The following XAF1 variants were observed in gnomAD, a reference collection of about 807,000 sequenced individuals.
XAF1 encodes the protein XIAP associated factor 1, also known as XIAP-associated factor 1.
XAF1 carries 32 observed loss-of-function variants against 32.3 expected under a neutral mutation model. The observed-to-expected ratio is 0.99, with a 90% CI of 0.75 to 1.33. The LOEUF (loss-of-function observed/expected upper bound fraction) is 1.33. Ranked by LOEUF, XAF1 falls within the 40% of genes most tolerant of loss-of-function variation. XAF1 has a pLI of 0.00. For synonymous variants in XAF1, 120 were observed against 125.9 expected, an observed-to-expected ratio of 0.95 and a Z score of 0.31; for missense variants, 379 against 366.0, an observed-to-expected ratio of 1.04 and a Z score of -0.29.
At chr17:6,761,171 G>A (rs745362907) in intron 4 of XAF1, among the ~76,000 whole-genome samples, 1 of 151,878 alleles carries the variant, frequency 6.6e-6, no homozygotes, top group African/African-American at 2.4e-5. Flanking sequence ...AAAAGGGGGG[G>A]ACCATGGGGA....
At chr17:6,761,703 C>G (rs1975217200) in intron 4 of XAF1, 2 of 561,564 alleles carry the variant, frequency 3.6e-6, no homozygotes, top group Non-Finnish European at 5.4e-6. Flanking sequence ...CAAACACAGT[C>G]TTCAACACAA....
chr17:6,759,345 A>C (rs921217472), intron 2 of XAF1: 2 of 1,312,898 alleles, frequency 1.5e-6, no homozygotes, highest in Non-Finnish European at 1.9e-6. Context: ...GTGAAAAAGG[A>C]AGGTCCTGGA....
chr17:6,767,236 A>G (rs1975687402), intron 5 of XAF1, among the ~76,000 whole-genome samples: 2 of 152,344 alleles, frequency 1.3e-5, no homozygotes, highest in East Asian at 1.9e-4. Context: ...ACTTTCAAAT[A>G]AATATGACAG....
chr17:6,762,097 G>A (rs1975253590), intron 4 of XAF1, 58 bp from the exon 5 acceptor site: 1 of 1,609,790 alleles, frequency 6.2e-7, no homozygotes, highest in Non-Finnish European at 8.5e-7. Context: ...TTGTGGGAGA[G>A]CTGGGCTAGC....
chr17:6,759,578 G>C, intron 2 of XAF1, 84 bp from the exon 3 acceptor site: 2 of 1,597,404 alleles, frequency 1.3e-6, no homozygotes, highest in Non-Finnish European at 1.7e-6. Context: ...GGAACACTGT[G>C]AGCCAAAGTG....
chr17:6,761,971 T>C, intron 4 of XAF1, 184 bp from the exon 5 acceptor site: 3 of 1,530,188 alleles, frequency 2.0e-6, no homozygotes, highest in Non-Finnish European at 2.6e-6. Flanking sequence ...GGAAATGATG[T>C]GGGTGATTCG....
chr17:6,759,521 TAG>T, intron 2 of XAF1, 139 bp from the exon 3 acceptor site: 1 of 1,499,124 alleles, frequency 6.7e-7, no homozygotes, highest in Non-Finnish European at 8.9e-7. Context: ...GACACTGAGG[TAG>T]CCACATCGGA....
chr17:6,769,960 C>T (rs1055644514), intron 5 of XAF1, among the ~76,000 whole-genome samples: 1 of 152,194 alleles, frequency 6.6e-6, no homozygotes, highest in African/African-American at 2.4e-5. Flanking sequence ...ATAATTTATC[C>T]TTTAAAGTTT....
Position 6,773,945 on chromosome 17 carries a change from T to A in XAF1, c.*776T>A, listed in dbSNP as rs1025189374. 4 of 152,128 alleles carry A rather than the reference T, an allele frequency of 2.6e-5. No individual in the cohort carries two copies. The highest frequency in any genetic ancestry group is 9.6e-5 in the African/African-American group (4 of 41,516). The allele number at this position is 152,128 out of a possible 1,614,324, so 9.4% of individuals were successfully genotyped here. On this transcript the variant is annotated 3_prime_UTR_variant, in exon 7 of 7. Transcript: ENST00000361842. ...ATTCCATACTTATGGATAGGAAGAA[T>A]CAATATTGTTAAAATGGCCATACTA...
chr17:6,773,077 T>C (rs771578314), intron 6 of XAF1, 36 bp from the exon 7 acceptor site: 2 of 1,577,160 alleles, frequency 1.3e-6, no homozygotes, highest in Admixed American at 1.8e-5. Flanking sequence ...CTTCTTACTT[T>C]AACCATATCA....
In XAF1 at chr17:6,770,713, C is replaced by G. The variant is rs1317912881; in HGVS notation, c.578C>G (p.Ser193Cys). 4 of 1,612,506 alleles carry G rather than the reference C, an allele frequency of 2.5e-6. No homozygotes were observed. The highest frequency in any genetic ancestry group is 3.4e-6 in the Non-Finnish European group (4 of 1,179,728). The change falls in exon 6 of 7, where the codon TCT becomes TGT. Residue 193 changes from serine to cysteine, a missense_variant. By Grantham distance (112) the Ser-to-Cys change is moderately radical (BLOSUM62 -1). Transcript: ENST00000361842. Reference sequence around the variant, plus strand: ...GGAAATCCAGAAATTCTTCCTTCATCTCTTCCAAGTCAAGCTGCTGAAAAT... The same window carrying G: ...GGAAATCCAGAAATTCTTCCTTCATGTCTTCCAAGTCAAGCTGCTGAAAAT... Reference protein sequence around the residue: ...PVGNPEILPSSLPSQAAENQT... With the variant: ...PVGNPEILPSCLPSQAAENQT...
At chr17:6,759,372 C>A in intron 2 of XAF1, 1 of 1,355,428 alleles carries the variant, frequency 7.4e-7, no homozygotes, top group Non-Finnish European at 9.5e-7. Context: ...TCAGATGGAG[C>A]CCTGTTTCCC....
chr17:6,756,092 T>C lies in XAF1; in HGVS notation c.14T>C (p.Phe5Ser). The C allele has an allele frequency of 6.2e-7, 1 of 1,613,894 alleles. No homozygotes were observed. Among genetic ancestry groups the C allele is most frequent in the Middle Eastern group, 1.6e-4 (1 of 6,062 alleles). The change falls in exon 1 of 7, where the codon TTC becomes TCC. Residue 5 changes from phenylalanine to serine, a missense_variant. Coordinates refer to ENST00000361842, the MANE Select transcript of XAF1 (RefSeq NM_017523.5). ...AGAGAGCAGAACATGGAAGGAGACT[T>C]CTCGGTGTGCAGGAACTGGTAAGAA... MEGD[F>S]SVCRNCKRHV...
intron 4 of XAF1, among the ~76,000 whole-genome samples, chr17:6,760,880 C>T (rs777788454): frequency 1.3e-5 from 2 of 152,144 alleles, no homozygotes; most frequent in Admixed American, 6.5e-5. Flanking sequence ...GAAGGCTGGG[C>T]GGGGTGGCTA....
upstream of XAF1, chr17:6,755,494 G>C (rs1974599316): frequency 3.0e-6 from 3 of 987,838 alleles, no homozygotes; most frequent in Middle Eastern, 5.2e-4. Context: ...TCTAGGGTCT[G>C]GAAAAACTCT....
intron 6 of XAF1, among the ~76,000 whole-genome samples, chr17:6,772,281 A>C (rs1425651403): frequency 1.3e-5 from 2 of 152,140 alleles, no homozygotes; most frequent in Admixed American, 1.3e-4. Flanking sequence ...CAGAGAAACA[A>C]AGAATTGTTT....
At chr17:6,761,900 C>A in intron 4 of XAF1, 2 of 1,480,598 alleles carry the variant, frequency 1.4e-6, no homozygotes, top group South Asian at 2.4e-5. Flanking sequence ...CAGTCCTGAT[C>A]CAGGAAAATG....
intron 5 of XAF1, among the ~76,000 whole-genome samples, chr17:6,769,813 G>C (rs1359627804): frequency 6.6e-6 from 1 of 152,174 alleles, no homozygotes; most frequent in East Asian, 1.9e-4. Context: ...CCCACACACA[G>C]GAATGGCATG....
At chr17:6,762,036 A>T (rs1175060472) in intron 4 of XAF1, 119 bp from the exon 5 acceptor site, 1 of 1,560,602 alleles carries the variant, frequency 6.4e-7, no homozygotes, top group East Asian at 2.4e-5. Context: ...AGTCAAGACC[A>T]GGCAGGTCCG....
Sources: gnomAD v4.1 joint callset for allele counts (sites outside exome capture counted in the v4.1 genomes callset) on GRCh38, gnomAD v4.1.1 for gene constraint, MANE v1.5 for transcripts, NCBI Gene and HGNC (gene_info 2026-07-23, HGNC 2026-07-21) for gene names.